Variants in B4GALT6 observed in about 807,000 individuals in gnomAD.
B4GALT6 encodes the protein beta-1,4-galactosyltransferase 6, also known as UDP-Gal:beta-GlcNAc beta-1,4-galactosyltransferase 6.
A neutral mutation model predicts 46.3 loss-of-function variants in B4GALT6; 14 were observed. The ratio of observed to expected loss-of-function variants is 0.30; its 90% CI spans 0.20 to 0.47. The LOEUF (loss-of-function observed/expected upper bound fraction) is 0.47. B4GALT6 is among the 20% of genes least tolerant of loss of function. B4GALT6 has a pLI of 0.99. For missense variants in B4GALT6, 386 were observed against 480.1 expected, an observed-to-expected ratio of 0.80 and a Z score of 1.83; for synonymous variants, 168 against 162.0, an observed-to-expected ratio of 1.04 and a Z score of -0.28.
At chr18:31,636,558 C>T (rs911108878) in intron 5 of B4GALT6, among the ~76,000 whole-genome samples, 1 of 152,260 alleles carries the variant, frequency 6.6e-6, no homozygotes, top group South Asian at 2.1e-4. Context: ...CACAGACCCA[C>T]TAAATGGCTA....
intron 2 of B4GALT6, among the ~76,000 whole-genome samples, chr18:31,660,705 T>C (rs1567975109): frequency 1.3e-5 from 2 of 151,538 alleles, no homozygotes; most frequent in African/African-American, 4.9e-5. Flanking sequence ...TAATACATAA[T>C]AGGAGTTCCA....
the B4GALT6 span, among the ~76,000 whole-genome samples, chr18:31,691,723 A>T: frequency 6.6e-6 from 1 of 152,134 alleles, no homozygotes; most frequent in African/African-American, 2.4e-5. Flanking sequence ...GTTAATAATG[A>T]ATTAAGATAT....
chr18:31,696,587 A>G, the B4GALT6 span, among the ~76,000 whole-genome samples: 2 of 152,360 alleles, frequency 1.3e-5, no homozygotes, highest in African/African-American at 4.8e-5. Flanking sequence ...ATATAGAACA[A>G]TTTAGCTTCT....
chr18:31,704,737 G>A, the B4GALT6 span, among the ~76,000 whole-genome samples: 1 of 152,160 alleles, frequency 6.6e-6, no homozygotes, highest in African/African-American at 2.4e-5. Context: ...AATGGCCATG[G>A]AAGAGTTTTT....
intron 5 of B4GALT6, among the ~76,000 whole-genome samples, chr18:31,635,478 GA>G (rs1157461971): frequency 6.6e-6 from 1 of 152,038 alleles, no homozygotes; most frequent in Non-Finnish European, 1.5e-5. Context: ...CTTAAAGAAT[GA>G]TTTATACACA....
At chr18:31,629,309 C>A (rs898588463) in intron 6 of B4GALT6, among the ~76,000 whole-genome samples, 1 of 151,442 alleles carries the variant, frequency 6.6e-6, no homozygotes, top group Non-Finnish European at 1.5e-5. Flanking sequence ...CCACTGTAAC[C>A]CCTGCATTAC....
chr18:31,625,430 G>A lies in B4GALT6; in HGVS notation c.*184C>T, dbSNP rs2073679378. 2 of 572,176 alleles carry A rather than the reference G, an allele frequency of 3.5e-6. No homozygotes were observed. Among genetic ancestry groups the A allele is most frequent in the East Asian group, 6.7e-5 (2 of 29,698 alleles). 35.4% of individuals were successfully genotyped at this position (572,176 alleles called of 1,614,324 possible). A position where few individuals can be genotyped will look rare whatever the true frequency, so the allele number is the denominator to read the frequency against. On this transcript the variant is annotated 3_prime_UTR_variant, in exon 9 of 9. Coordinates refer to ENST00000306851, the MANE Select transcript of B4GALT6 (RefSeq NM_004775.5). Reference sequence around the variant, plus strand: ...GTGCTCGCCACAGGGGTGTGTCTCAGAGCAGGGAGGACGGGTGAGAGAAGG... The same window carrying A: ...GTGCTCGCCACAGGGGTGTGTCTCAAAGCAGGGAGGACGGGTGAGAGAAGG...
intron 1 of B4GALT6, among the ~76,000 whole-genome samples, chr18:31,680,185 C>A (rs1245218917): frequency 6.6e-6 from 1 of 152,156 alleles, no homozygotes; most frequent in Non-Finnish European, 1.5e-5. Flanking sequence ...GTGAATAAAA[C>A]TGAAAGACCT....
intron 3 of B4GALT6, among the ~76,000 whole-genome samples, chr18:31,653,502 G>C (rs895721203): frequency 2.2e-5 from 3 of 138,804 alleles, no homozygotes; most frequent in Non-Finnish European, 3.0e-5. Context: ...GAGTGCAGTG[G>C]TGCGATCTCG....
At chr18:31,693,826 G>A in the B4GALT6 span, among the ~76,000 whole-genome samples, 1 of 152,100 alleles carries the variant, frequency 6.6e-6, no homozygotes, top group Non-Finnish European at 1.5e-5. Context: ...AAATTGCCCA[G>A]GCATGGCAGT....
chr18:31,640,842 C>T (rs1404584595), intron 4 of B4GALT6, among the ~76,000 whole-genome samples: 3 of 152,212 alleles, frequency 2.0e-5, no homozygotes. Flanking sequence ...CAAGGAATTC[C>T]CGAATCAAAA....
chr18:31,675,406 C>T (rs1413418006), intron 1 of B4GALT6, among the ~76,000 whole-genome samples: 1 of 152,210 alleles, frequency 6.6e-6, no homozygotes, highest in African/African-American at 2.4e-5. Context: ...AAGGCACAAA[C>T]TGTCTAAAAC....
At position 31,666,319 on chromosome 18, in the gene B4GALT6, C is replaced by T; in HGVS notation, c.169G>A (p.Val57Met). 6.2e-7 allele frequency: 1 copy of T among 1,610,552 alleles called. No homozygotes were observed. The highest frequency in any genetic ancestry group is 2.2e-5 in the East Asian group (1 of 44,734). ...QARGIMLRENVKTIGHMIRLY... is the reference protein window; with the variant it reads ...QARGIMLRENMKTIGHMIRLY... ...CTGATCATATGACCTATTGTTTTCA[C>T]ATTTTCTCTCAACATTATACCTCGA... Residue 57 changes from valine to methionine, a missense_variant, in exon 2 of 9, where the codon GTG (valine) becomes ATG (methionine). Around this residue, in one of 2 missense-constraint regions of B4GALT6, gnomAD observed 323 missense variants for 438.9 expected, o/e 0.74. Coordinates refer to ENST00000306851, the MANE Select transcript of B4GALT6 (RefSeq NM_004775.5).
Position 31,684,445 on chromosome 18 carries a change from C to A in B4GALT6, c.-19G>T, listed in dbSNP as rs142482296. On this transcript the variant is annotated 5_prime_UTR_variant, in exon 1 of 9. Transcript: ENST00000306851. Reference sequence around the variant, plus strand: ...CAGACATCTTCCTCTTCCCTGCCAGCAGCCCAGGCTGCGCTCTCAGGCCGG... The same window carrying A: ...CAGACATCTTCCTCTTCCCTGCCAGAAGCCCAGGCTGCGCTCTCAGGCCGG... The A allele has an allele frequency of 2.4e-4, 392 of 1,611,480 alleles. 2 individuals carry two copies. The East Asian group carries it at 6.4e-3, about 26-fold the overall frequency.
At position 31,646,556 on chromosome 18, in the gene B4GALT6, T is replaced by C. The variant is rs552186354; in HGVS notation, c.347-1077A>G. Among the ~76,000 whole-genome samples, 7 of 152,336 alleles carry C rather than the reference T, an allele frequency of 4.6e-5. No individual in the cohort carries two copies. The East Asian group carries it at 1.2e-3, about 25-fold the overall frequency. The stretch of plus-strand genomic sequence containing the variant: ...CCGTTAACTTCCAAATAGGTACAAA[T>C]TGCTCTGGAGCGCCCTCCAGCCAAA... On this transcript the variant is annotated intron_variant, in intron 3 of 8. Coordinates refer to ENST00000306851, the MANE Select transcript of B4GALT6 (RefSeq NM_004775.5).
intron 3 of B4GALT6, among the ~76,000 whole-genome samples, chr18:31,656,509 T>C (rs906351207): frequency 3.3e-5 from 5 of 151,880 alleles, no homozygotes; most frequent in South Asian, 2.1e-4. Flanking sequence ...TAATGTATTA[T>C]CTTCATAATT....
At chr18:31,629,766 C>G (rs766535498) in intron 6 of B4GALT6, among the ~76,000 whole-genome samples, 1 of 147,744 alleles carries the variant, frequency 6.8e-6, no homozygotes, top group Non-Finnish European at 1.5e-5. Context: ...AGGAGAATGG[C>G]GTGAACCCGG....
At position 31,684,535 on chromosome 18, in the gene B4GALT6, G is replaced by A. The variant is rs368124348; in HGVS notation, c.-109C>T. The A allele has an allele frequency of 6.7e-7, 1 of 1,503,244 alleles. No individual in the cohort carries two copies. Among genetic ancestry groups the A allele is most frequent in the South Asian group, 1.2e-5 (1 of 80,606 alleles). 93.1% of individuals were successfully genotyped at this position (1,503,244 alleles called of 1,614,324 possible). On this transcript the variant is annotated 5_prime_UTR_variant, in exon 1 of 9. Transcript: ENST00000306851. Reference sequence around the variant, plus strand: ...TGCTGAGAACCCCGAGACTGCAGCGGGGTCCGCGCGGGGAGGCTCTGGGGA... The same window carrying A: ...TGCTGAGAACCCCGAGACTGCAGCGAGGTCCGCGCGGGGAGGCTCTGGGGA...
At chr18:31,724,291 G>A in the B4GALT6 span, 788 of 436,620 alleles carry the variant, frequency 1.8e-3, 1 homozygote, top group Non-Finnish European at 2.6e-3. Flanking sequence ...TGGGCCCCAC[G>A]GGCCCCTCCT....
Sources: allele counts gnomAD v4.1 joint callset (sites outside exome capture counted in the v4.1 genomes callset), GRCh38; gene constraint gnomAD v4.1.1; regional missense constraint gnomAD v4.1.1; transcripts MANE v1.5; gene names NCBI Gene and HGNC (gene_info 2026-07-23, HGNC 2026-07-21).